Variants in CYP4Z1 observed in about 807,000 individuals in gnomAD.
The protein encoded by CYP4Z1 is cytochrome P450 family 4 subfamily Z member 1.
Under a neutral mutation model 54.2 loss-of-function variants are expected in CYP4Z1, and 41 were observed. That is an observed-to-expected ratio of 0.76 (90% confidence interval 0.59 to 0.98). The LOEUF (loss-of-function observed/expected upper bound fraction) is 0.98, where lower values mean the gene tolerates loss of function less well. Ranked by LOEUF, CYP4Z1 falls within the 50% of genes least tolerant of loss-of-function variation. CYP4Z1 has a pLI of 0.00. For synonymous variants in CYP4Z1, 163 were observed against 206.2 expected, an observed-to-expected ratio of 0.79 and a Z score of 1.79; for missense variants, 513 against 599.0, an observed-to-expected ratio of 0.86 and a Z score of 1.50.
chr1:47,059,944 G>A, the CYP4Z1 span, among the ~76,000 whole-genome samples: 1 of 152,046 alleles, frequency 6.6e-6, no homozygotes, highest in Non-Finnish European at 1.5e-5. Context: ...AGGGCACTCT[G>A]CAAACATAAA....
chr1:47,108,436 G>A (rs1644771561), intron 9 of CYP4Z1, among the ~76,000 whole-genome samples: 1 of 152,092 alleles, frequency 6.6e-6, no homozygotes, highest in Non-Finnish European at 1.5e-5. Context: ...GCACAACAAA[G>A]CATGTGCAAA....
chr1:47,091,724 A>G (rs1033894219), intron 6 of CYP4Z1, among the ~76,000 whole-genome samples: 1 of 149,838 alleles, frequency 6.7e-6, no homozygotes, highest in Non-Finnish European at 1.5e-5. Context: ...GAGTGTAAAC[A>G]GTTAAATTAT....
the CYP4Z1 span, among the ~76,000 whole-genome samples, chr1:47,057,074 T>A: frequency 6.6e-6 from 1 of 151,930 alleles, no homozygotes; most frequent in Non-Finnish European, 1.5e-5. Context: ...TTCCTTTCCA[T>A]GTTTAGTGCT....
intron 2 of CYP4Z1, among the ~76,000 whole-genome samples, chr1:47,079,958 A>G (rs1255490158): frequency 1.3e-5 from 2 of 151,840 alleles, no homozygotes; most frequent in African/African-American, 2.4e-5. Context: ...AAGGTATTTT[A>G]TAGGTTCATT....
intron 9 of CYP4Z1, 62 bp from the exon 10 acceptor site, chr1:47,115,467 G>GA (rs376649524): frequency 0.07 from 67,787 of 970,892 alleles, 106 homozygotes; most frequent in African/African-American, 0.095. Flanking sequence ...AAGTAAAAGA[G>GA]AAAAAAAAAA....
intron 6 of CYP4Z1, among the ~76,000 whole-genome samples, chr1:47,087,166 T>C (rs1644602140): frequency 6.6e-6 from 1 of 152,224 alleles, no homozygotes; most frequent in Non-Finnish European, 1.5e-5. Context: ...ACAATTGACT[T>C]GGCAATGAGG....
At chr1:47,064,080 C>CTTTTTTTT (rs34267768), upstream of CYP4Z1, among the ~76,000 whole-genome samples, 1 of 119,552 alleles carries the variant, frequency 8.4e-6, no homozygotes, top group African/African-American at 3.2e-5. Flanking sequence ...GATTTGGGTC[C>CTTTTTTTT]TTTTTTTTTT....
rs1644579996 is a variant in CYP4Z1 at position 47,084,823 on chromosome 1, G to A, written c.618-1G>A. ...ATGTTGTTCCATCTTCCCTATTCCA[G>A]TACCCTGGACTCATACCTGAAAGCA... On this transcript the variant is annotated splice_acceptor_variant, in intron 5 of 11. Transcript: ENST00000334194. LOFTEE classifies it high-confidence loss of function. 4 of 1,538,174 alleles carry A rather than the reference G, an allele frequency of 2.6e-6. No homozygotes were observed. Among genetic ancestry groups the A allele is most frequent in the Non-Finnish European group, 3.5e-6 (4 of 1,151,806 alleles).
At position 47,098,826 on chromosome 1, in the gene CYP4Z1, T is replaced by C. The variant is rs113570231; in HGVS notation, c.877-268T>C. Among the ~76,000 whole-genome samples, 757 of 152,350 alleles carry C rather than the reference T, an allele frequency of 5.0e-3. 8 individuals carry two copies. Among genetic ancestry groups the C allele is most frequent in the African/African-American group, 0.017 (709 of 41,588 alleles). ...AAACATTTTCTTAGAGTTTATTCCC[T>C]TAAGTAAAATTAATAAATCATAAAA... On this transcript the variant is annotated intron_variant, in intron 7 of 11. Transcript: ENST00000334194.
chr1:47,060,001 A>G, the CYP4Z1 span, among the ~76,000 whole-genome samples: 2 of 152,260 alleles, frequency 1.3e-5, no homozygotes, highest in East Asian at 3.9e-4. Flanking sequence ...ATGAACCAAT[A>G]TTAAGTATGG....
chr1:47,094,257 C>G (rs923575987), intron 6 of CYP4Z1, among the ~76,000 whole-genome samples: 1 of 152,110 alleles, frequency 6.6e-6, no homozygotes, highest in African/African-American at 2.4e-5. Flanking sequence ...AATTTTACAA[C>G]CTTTGAATTA....
chr1:47,108,819 C>A (rs1319634152), intron 9 of CYP4Z1, among the ~76,000 whole-genome samples: 1 of 151,990 alleles, frequency 6.6e-6, no homozygotes, highest in African/African-American at 2.4e-5. Context: ...TGAATGGCAC[C>A]ACTGTCTGTG....
the CYP4Z1 span, among the ~76,000 whole-genome samples, chr1:47,057,407 T>C: frequency 7.3e-6 from 1 of 136,744 alleles, no homozygotes; most frequent in Non-Finnish European, 1.6e-5. Context: ...TACTCTCTTC[T>C]CTTTTGGAGA....
At chr1:47,102,438 A>G (rs1569744624) in intron 8 of CYP4Z1, among the ~76,000 whole-genome samples, 1 of 152,216 alleles carries the variant, frequency 6.6e-6, no homozygotes, top group South Asian at 2.1e-4. Context: ...TGGTTTTTAT[A>G]TCTTCAAGTA....
At chr1:47,103,146 T>C (rs1421027502) in intron 8 of CYP4Z1, among the ~76,000 whole-genome samples, 2 of 151,962 alleles carry the variant, frequency 1.3e-5, no homozygotes, top group African/African-American at 4.8e-5. Flanking sequence ...TTGTATTTCA[T>C]TCAATAAATT....
the CYP4Z1 span, among the ~76,000 whole-genome samples, chr1:47,055,765 A>C: frequency 2.0e-5 from 3 of 152,034 alleles, no homozygotes; most frequent in Non-Finnish European, 4.4e-5. Context: ...CGGTGGTGAT[A>C]TCCCCTTTAT....
At position 47,082,329 on chromosome 1, in the gene CYP4Z1, A is replaced by T. The variant is rs1644560774; in HGVS notation, c.365-5A>T. ...TAGAAACAGTTGCCCCTCTCATTTC[A>T]TAAGGTCGAGGACTTGTGACCCTGG... On this transcript the variant is annotated splice_region_variant and splice_polypyrimidine_tract_variant and intron_variant, in intron 3 of 11. Transcript: ENST00000334194. 3 of 1,592,428 alleles carry T rather than the reference A, an allele frequency of 1.9e-6. No homozygotes were observed. The African/African-American group carries it at 4.0e-5, about 21-fold the overall frequency.
At chr1:47,106,289 A>G in intron 9 of CYP4Z1, 28 bp downstream of exon 9, 1 of 1,580,500 alleles carries the variant, frequency 6.3e-7, no homozygotes, top group Non-Finnish European at 8.6e-7. Context: ...TTTTTTTTTA[A>G]CAATGCAGCT....
At chr1:47,086,994 A>C (rs1192862047) in intron 6 of CYP4Z1, among the ~76,000 whole-genome samples, 14 of 152,238 alleles carry the variant, frequency 9.2e-5, no homozygotes, top group Admixed American at 2.6e-4. Context: ...GTCAAATATC[A>C]GATGGGTGTA....
Sources: gnomAD v4.1 joint callset for allele counts (sites outside exome capture counted in the v4.1 genomes callset) on GRCh38, gnomAD v4.1.1 for gene constraint, MANE v1.5 for transcripts, NCBI Gene and HGNC (gene_info 2026-07-23, HGNC 2026-07-21) for gene names.